The following GLIPR1L1 variants were observed in gnomAD, a reference collection of about 807,000 sequenced individuals.
GLIPR1L1 encodes GLIPR1-like protein 1.
GLIPR1L1 carries 26 observed loss-of-function variants against 29.9 expected under a neutral mutation model. That is an observed-to-expected ratio of 0.87 (90% confidence interval 0.64 to 1.21). The LOEUF is 1.21. Ranked by LOEUF, GLIPR1L1 falls within the 50% of genes most tolerant of loss-of-function variation. The probability of loss-of-function intolerance (pLI) is 0.00; values close to 1 mark genes in which losing one functional copy is unlikely to be tolerated. For synonymous variants in GLIPR1L1, 77 were observed against 97.5 expected, an observed-to-expected ratio of 0.79 and a Z score of 1.24; for missense variants, 305 against 290.3, an observed-to-expected ratio of 1.05 and a Z score of -0.37.
intron 3 of GLIPR1L1, among the ~76,000 whole-genome samples, chr12:75,348,104 T>C (rs766139271): frequency 2.6e-4 from 40 of 152,122 alleles, no homozygotes; most frequent in Non-Finnish European, 4.7e-4. Context: ...TAAAAGAACA[T>C]ACTTTTAAGA....
Position 75,343,758 on chromosome 12 carries a change from T to C in GLIPR1L1, c.240T>C (p.Asn80=), listed in dbSNP as rs2042267865. 1.9e-6 allele frequency: 3 copies of C among 1,612,818 alleles called. No homozygotes were observed. The highest frequency in any genetic ancestry group is 2.5e-6 in the Non-Finnish European group (3 of 1,178,966). The change falls in exon 2 of 6, where the codon AAT becomes AAC. Residue 80 remains asparagine, a synonymous_variant. Coordinates refer to ENST00000378695, the MANE Select transcript of GLIPR1L1 (RefSeq NM_001304964.2). The part of the protein sequence containing the change: ...AWANQCKFEH[N]DCLDKSYKCY... ...CAAACCAGTGCAAATTTGAACATAATGACTGTTTGGATAAATCATATAAAT... is the reference window on the plus strand; with the variant it reads ...CAAACCAGTGCAAATTTGAACATAACGACTGTTTGGATAAATCATATAAAT...
intron 3 of GLIPR1L1, 83 bp downstream of exon 3, chr12:75,347,805 C>A: frequency 1.4e-6 from 1 of 732,388 alleles, no homozygotes; most frequent in Non-Finnish European, 2.2e-6. Flanking sequence ...ATACTAGACA[C>A]AAGTGTATTT....
chr12:75,339,620 G>A (rs186925099), intron 1 of GLIPR1L1, among the ~76,000 whole-genome samples: 127 of 152,072 alleles, frequency 8.4e-4, no homozygotes, highest in African/African-American at 2.9e-3. Flanking sequence ...TTTTGTTTTT[G>A]TTGCAATTGC....
At chr12:75,342,776 G>A (rs2042201149) in intron 1 of GLIPR1L1, among the ~76,000 whole-genome samples, 1 of 151,864 alleles carries the variant, frequency 6.6e-6, no homozygotes, top group African/African-American at 2.4e-5. Context: ...ATATTCTTTT[G>A]CAATACAGAA....
rs539097698 is a variant in GLIPR1L1, at chr12:75,350,036, C to G, written c.521+2314C>G. Among the ~76,000 whole-genome samples, 5 of 152,344 alleles carry G rather than the reference C, an allele frequency of 3.3e-5. No homozygotes were observed. In the East Asian group the frequency reaches 9.7e-4, roughly 29 times the overall value. ...CACCACCACTGTGGCTCCAGTTGGC[C>G]ATTTTCCCCTGCTGCTGGTGCCAGC... On this transcript the variant is annotated intron_variant, in intron 3 of 5. Coordinates refer to ENST00000378695, the MANE Select transcript of GLIPR1L1 (RefSeq NM_001304964.2).
intron 1 of GLIPR1L1, among the ~76,000 whole-genome samples, chr12:75,340,554 C>T (rs758091277): frequency 2.0e-5 from 3 of 151,256 alleles, no homozygotes; most frequent in Admixed American, 6.6e-5. Context: ...TTATCAAGAC[C>T]GAAAACTATT....
chr12:75,338,748 C>A (rs997065399), intron 1 of GLIPR1L1, among the ~76,000 whole-genome samples: 4 of 152,132 alleles, frequency 2.6e-5, no homozygotes, highest in Non-Finnish European at 5.9e-5. Flanking sequence ...AGCTCTCTCT[C>A]CTCCCACCGC....
At chr12:75,335,338 C>T (rs974517921) in intron 1 of GLIPR1L1, among the ~76,000 whole-genome samples, 2 of 148,618 alleles carry the variant, frequency 1.3e-5, no homozygotes, top group African/African-American at 4.9e-5. Context: ...AAGATCAAAA[C>T]AACACTTCAT....
At chr12:75,366,348 A>T (rs964179473) in intron 4 of GLIPR1L1, among the ~76,000 whole-genome samples, 1 of 152,190 alleles carries the variant, frequency 6.6e-6, no homozygotes, top group Admixed American at 6.5e-5. Flanking sequence ...CTCAGTAGAA[A>T]AGTAACAGCA....
At chr12:75,368,508 T>C (rs369300906) in intron 4 of GLIPR1L1, among the ~76,000 whole-genome samples, 1 of 151,850 alleles carries the variant, frequency 6.6e-6, no homozygotes, top group Non-Finnish European at 1.5e-5. Flanking sequence ...GCCCCAGGAA[T>C]ACAATATTAC....
At chr12:75,355,236 A>C (rs2043076336) in intron 3 of GLIPR1L1, among the ~76,000 whole-genome samples, 1 of 152,236 alleles carries the variant, frequency 6.6e-6, no homozygotes, top group African/African-American at 2.4e-5. Flanking sequence ...TCCATCTGAC[A>C]AAGGTCTAAT....
chr12:75,345,196 A>G (rs1474538734), intron 2 of GLIPR1L1, among the ~76,000 whole-genome samples: 2 of 152,064 alleles, frequency 1.3e-5, no homozygotes, highest in South Asian at 4.1e-4. Flanking sequence ...GAGTGTATCA[A>G]ACTTCTCCTG....
chr12:75,363,110 T>C lies in GLIPR1L1; in HGVS notation c.530T>C (p.Phe177Ser). The C allele has an allele frequency of 5.8e-6, 9 of 1,545,392 alleles. No individual in the cohort carries two copies. The highest frequency in any genetic ancestry group is 7.8e-6 in the Non-Finnish European group (9 of 1,149,622). ...FVCNYGPAGN[F>S]ANMPPYVRGE... ...GTTTCTCTTTTTTACAGAGGAAATTTTGCAAATATGCCTCCTTACGTAAGA... is the reference window on the plus strand; with the variant it reads ...GTTTCTCTTTTTTACAGAGGAAATTCTGCAAATATGCCTCCTTACGTAAGA... Residue 177 changes from phenylalanine (F) to serine (S), a missense_variant, in exon 4 of 6, where the codon TTT becomes TCT. Physicochemically the swap from Phe to Ser is radical, Grantham distance 155. Transcript: ENST00000378695.
chr12:75,366,702 C>A lies in GLIPR1L1; in HGVS notation c.611-3258C>A, dbSNP rs1462047228. ...TGTGGCCTAGGGTTTTTTTGTGTTG[C>A]AGATCAATGTGTGCTGATTTTGGGT... On this transcript the variant is annotated intron_variant, in intron 4 of 5. Coordinates refer to ENST00000378695, the MANE Select transcript of GLIPR1L1 (RefSeq NM_001304964.2). 12 of 532,644 alleles carry A rather than the reference C, an allele frequency of 2.3e-5. No individual in the cohort carries two copies. The East Asian group carries it at 3.5e-4, about 15-fold the overall frequency. 33.0% of individuals were successfully genotyped at this position (532,644 alleles called of 1,614,324 possible). A position where few individuals can be genotyped will look rare whatever the true frequency, so the allele number is the denominator to read the frequency against.
intron 4 of GLIPR1L1, chr12:75,366,963 C>G (rs2044010242): frequency 1.4e-6 from 1 of 701,676 alleles, no homozygotes; most frequent in Non-Finnish European, 2.6e-6. Flanking sequence ...ACCCAAGGGG[C>G]AGCTTGCAGC....
chr12:75,366,849 T>C, intron 4 of GLIPR1L1: 2 of 700,700 alleles, frequency 2.9e-6, no homozygotes, highest in South Asian at 3.0e-5. Context: ...TATATGCATT[T>C]CTTGAATGAG....
intron 3 of GLIPR1L1, among the ~76,000 whole-genome samples, chr12:75,354,168 G>GC (rs1459392990): frequency 4.9e-5 from 3 of 61,222 alleles, no homozygotes; most frequent in African/African-American, 1.2e-4. Context: ...GAAAAAAAAG[G>GC]GGGGGGGGTA....
At chr12:75,340,415 T>A (rs1489755611) in intron 1 of GLIPR1L1, among the ~76,000 whole-genome samples, 1 of 151,660 alleles carries the variant, frequency 6.6e-6, no homozygotes, top group Non-Finnish European at 1.5e-5. Context: ...GAAAAAACTT[T>A]GACCTAAAGA....
chr12:75,366,581 AAACT>A (rs1000748103), intron 4 of GLIPR1L1, among the ~76,000 whole-genome samples: 1 of 152,080 alleles, frequency 6.6e-6, no homozygotes, highest in African/African-American at 2.4e-5. Flanking sequence ...AGGCACCCTA[AAACT>A]AACACGGCAC....
Sources: allele counts gnomAD v4.1 joint callset (sites outside exome capture counted in the v4.1 genomes callset), GRCh38; gene constraint gnomAD v4.1.1; transcripts MANE v1.5; gene names NCBI Gene and HGNC (gene_info 2026-07-23, HGNC 2026-07-21).